Variants in DGKB observed in about 807,000 individuals in gnomAD.
The protein encoded by DGKB is diacylglycerol kinase beta.
In DGKB, 67 loss-of-function variants were observed where a neutral mutation model predicts 114.3. That is an observed-to-expected ratio of 0.59 (90% CI 0.48 to 0.72). The LOEUF (loss-of-function observed/expected upper bound fraction) is 0.72. Among genes scored for constraint, DGKB ranks in the 30% least tolerant of loss-of-function variants. The pLI is 0.00. For missense variants in DGKB, 907 were observed against 975.2 expected, an observed-to-expected ratio of 0.93 and a Z score of 0.93; for synonymous variants, 398 against 323.1, an observed-to-expected ratio of 1.23 and a Z score of -2.49.
intron 2 of DGKB, among the ~76,000 whole-genome samples, chr7:14,769,098 A>G (rs566276580): frequency 7.0e-4 from 92 of 132,040 alleles, no homozygotes; most frequent in African/African-American, 2.7e-3. Context: ...AGAAAGAAAG[A>G]AAGAAAGAAA....
intron 21 of DGKB, among the ~76,000 whole-genome samples, chr7:14,411,598 A>G (rs545932419): frequency 1.3e-5 from 2 of 152,144 alleles, no homozygotes; most frequent in African/African-American, 2.4e-5. Context: ...TTACTCCATG[A>G]GTTTTAGCTT....
In DGKB at chr7:14,242,065, A is replaced by G. The variant is rs184735723; in HGVS notation, c.2123-63914T>C. ...TGAAAGGTCAATATGGAGCAAATCA[A>G]CTTTATTTAATTTATATTTATTAGG... On this transcript the variant is annotated intron_variant, in intron 23 of 25. Coordinates refer to ENST00000402815, the MANE Select transcript of DGKB (RefSeq NM_001350709.2). Among the ~76,000 whole-genome samples, 120 of 152,230 alleles carry G rather than the reference A, an allele frequency of 7.9e-4. 1 individual carries two copies. Among genetic ancestry groups the G allele is most frequent in the Admixed American group, 2.9e-3 (44 of 15,274 alleles).
chr7:14,316,284 A>C (rs1465119029), intron 23 of DGKB, among the ~76,000 whole-genome samples: 2 of 149,904 alleles, frequency 1.3e-5, no homozygotes, highest in South Asian at 2.2e-4. Flanking sequence ...AACTAAAATC[A>C]GAGCAGAACT....
At chr7:14,334,360 A>ATGTGTGTGTGTGTG (rs1491407829) in intron 23 of DGKB, among the ~76,000 whole-genome samples, 4 of 103,618 alleles carry the variant, frequency 3.9e-5, no homozygotes, top group African/African-American at 1.6e-4. Context: ...ATGTATATAC[A>ATGTGTGTGTGTGTG]TATGTGTGTG....
chr7:14,224,633 G>C (rs1404175304), intron 23 of DGKB, among the ~76,000 whole-genome samples: 2 of 151,756 alleles, frequency 1.3e-5, no homozygotes, highest in African/African-American at 2.4e-5. Context: ...CTCACATTGG[G>C]ACTTGTTTGC....
At chr7:14,944,764 C>A (rs1257253744) in intron 1 of DGKB, among the ~76,000 whole-genome samples, 1 of 151,420 alleles carries the variant, frequency 6.6e-6, no homozygotes, top group African/African-American at 2.4e-5. Context: ...GACAGACCCC[C>A]ACAATCAATA....
chr7:14,754,615 C>T (rs1273700066), intron 3 of DGKB, among the ~76,000 whole-genome samples: 3 of 152,144 alleles, frequency 2.0e-5, no homozygotes, highest in East Asian at 1.9e-4. Context: ...CTGGTTTCCC[C>T]TCATACTACC....
chr7:14,490,331 A>T (rs1175904256), intron 20 of DGKB, among the ~76,000 whole-genome samples: 1 of 152,168 alleles, frequency 6.6e-6, no homozygotes, highest in Admixed American at 6.6e-5. Context: ...CCAAAATATA[A>T]TTATTTTCTT....
At chr7:14,485,354 T>G (rs912970312) in intron 20 of DGKB, among the ~76,000 whole-genome samples, 3 of 151,310 alleles carry the variant, frequency 2.0e-5, no homozygotes, top group African/African-American at 7.3e-5. Flanking sequence ...GGAACTCAGA[T>G]GCATTATGAT....
chr7:14,194,640 T>C (rs1390595283), intron 23 of DGKB, among the ~76,000 whole-genome samples: 1 of 152,180 alleles, frequency 6.6e-6, no homozygotes, highest in East Asian at 1.9e-4. Context: ...TATATTATGT[T>C]ATATATGTAT....
intron 16 of DGKB, among the ~76,000 whole-genome samples, chr7:14,608,275 G>A (rs1196410730): frequency 2.0e-5 from 3 of 151,668 alleles, no homozygotes; most frequent in African/African-American, 4.8e-5. Context: ...ATAAAAAGTT[G>A]GTTCAACATA....
intron 4 of DGKB, among the ~76,000 whole-genome samples, chr7:14,737,068 C>T (rs1171002794): frequency 2.0e-5 from 3 of 152,116 alleles, no homozygotes; most frequent in Non-Finnish European, 4.4e-5. Context: ...CAAAACTCCT[C>T]GTTTTGGACT....
At chr7:14,417,677 T>C (rs568270241) in intron 21 of DGKB, among the ~76,000 whole-genome samples, 1 of 150,496 alleles carries the variant, frequency 6.6e-6, no homozygotes, top group East Asian at 2.0e-4. Context: ...GAAAGTAAAA[T>C]AAATTGCTTC....
At chr7:14,319,924 C>T (rs1562927894) in intron 23 of DGKB, among the ~76,000 whole-genome samples, 1 of 152,182 alleles carries the variant, frequency 6.6e-6, no homozygotes, top group Non-Finnish European at 1.5e-5. Context: ...ATCTACAGGT[C>T]CATTTGTATT....
intron 20 of DGKB, among the ~76,000 whole-genome samples, chr7:14,538,843 C>T (rs1563444704): frequency 6.6e-6 from 1 of 152,044 alleles, no homozygotes; most frequent in African/African-American, 2.4e-5. Context: ...CACGGATGGA[C>T]CTGGACATTA....
At chr7:14,928,198 C>T (rs1784837333) in intron 1 of DGKB, among the ~76,000 whole-genome samples, 1 of 151,858 alleles carries the variant, frequency 6.6e-6, no homozygotes, top group Admixed American at 6.6e-5. Flanking sequence ...ACAAACAGCC[C>T]TGAACTTGTA....
chr7:14,559,044 C>G (rs528341199), intron 20 of DGKB, among the ~76,000 whole-genome samples: 1 of 152,172 alleles, frequency 6.6e-6, no homozygotes, highest in Non-Finnish European at 1.5e-5. Context: ...CCTGGGAAAG[C>G]CCACAGGTGT....
At chr7:14,343,323 G>C (rs1425466864) in intron 22 of DGKB, among the ~76,000 whole-genome samples, 2 of 151,754 alleles carry the variant, frequency 1.3e-5, no homozygotes, top group African/African-American at 4.8e-5. Context: ...GAGAGAGTAA[G>C]CAGAAACAGC....
chr7:14,763,182 C>G (rs1248604690), intron 2 of DGKB, among the ~76,000 whole-genome samples: 5 of 152,008 alleles, frequency 3.3e-5, no homozygotes, highest in Non-Finnish European at 5.9e-5. Flanking sequence ...AGGAATCCCG[C>G]CAATGTTGAG....
Sources: allele counts gnomAD v4.1 joint callset (sites outside exome capture counted in the v4.1 genomes callset), GRCh38; gene constraint gnomAD v4.1.1; transcripts MANE v1.5; gene names NCBI Gene and HGNC (gene_info 2026-07-23, HGNC 2026-07-21).